The following SAXO1 variants were observed in gnomAD, a reference collection of about 807,000 sequenced individuals.
The protein encoded by SAXO1 is stabilizer of axonemal microtubules 1.
A neutral mutation model predicts 17.5 loss-of-function variants in SAXO1; 21 were observed. The observed-to-expected ratio is 1.20, with a 90% CI of 0.85 to 1.72. The LOEUF (loss-of-function observed/expected upper bound fraction) is 1.72, where lower values mean the gene tolerates loss of function less well. Among genes scored for constraint, SAXO1 ranks in the 40% most tolerant of loss-of-function variants. The pLI, the probability that SAXO1 is intolerant of heterozygous loss-of-function variation, is 0.00. For synonymous variants in SAXO1, 274 were observed against 216.5 expected, an observed-to-expected ratio of 1.27 and a Z score of -2.33; for missense variants, 843 against 596.0, an observed-to-expected ratio of 1.41 and a Z score of -4.32.
intron 1 of SAXO1, among the ~76,000 whole-genome samples, chr9:18,993,241 G>A (rs1428943830): frequency 6.6e-6 from 1 of 151,780 alleles, no homozygotes; most frequent in Non-Finnish European, 1.5e-5. Context: ...GCATGCATTA[G>A]GTATTTGTCC....
At chr9:19,041,079 C>A in intron 1 of SAXO1, among the ~76,000 whole-genome samples, 1 of 137,136 alleles carries the variant, frequency 7.3e-6, no homozygotes, top group African/African-American at 2.8e-5. Flanking sequence ...TAGAATTGAT[C>A]AACAAATACA....
intron 1 of SAXO1, among the ~76,000 whole-genome samples, chr9:19,007,393 A>G (rs1161965817): frequency 6.6e-6 from 1 of 152,204 alleles, no homozygotes; most frequent in Non-Finnish European, 1.5e-5. Flanking sequence ...ATTTTAAGTT[A>G]CATATTTTAT....
At chr9:18,972,392 C>T (rs769535974) in intron 1 of SAXO1, among the ~76,000 whole-genome samples, 2 of 152,164 alleles carry the variant, frequency 1.3e-5, no homozygotes, top group South Asian at 4.2e-4. Context: ...GAGACCTTTG[C>T]CTTTTGTTCA....
chr9:19,028,005 G>T (rs565302622), intron 1 of SAXO1: 7 of 1,602,032 alleles, frequency 4.4e-6, no homozygotes, highest in Admixed American at 3.3e-5. Context: ...CCCAGTGCAA[G>T]GCTGTGTCTG....
In SAXO1 at chr9:18,948,946, C is replaced by T. The variant is rs1370378639; in HGVS notation, c.218+1812G>A. Among the ~76,000 whole-genome samples, 3 of 152,338 alleles carry T rather than the reference C, an allele frequency of 2.0e-5. No homozygotes were observed. The East Asian group carries it at 5.8e-4, about 29-fold the overall frequency. ...GCAAGCCACCCCTCAGTACTACTCT[C>T]ACCCTTTCCTACCGATTACATGTCC... On this transcript the variant is annotated intron_variant, in intron 2 of 3. Coordinates refer to ENST00000380534, the MANE Select transcript of SAXO1 (RefSeq NM_153707.4).
chr9:18,968,039 G>A (rs115364496), intron 1 of SAXO1, among the ~76,000 whole-genome samples: 2,258 of 152,254 alleles, frequency 0.015, 57 homozygotes, highest in African/African-American at 0.05. Context: ...GTGAGGCGAC[G>A]CCCCACCCTG....
intron 3 of SAXO1, among the ~76,000 whole-genome samples, chr9:18,932,745 A>T (rs1420572708): frequency 6.6e-6 from 1 of 152,184 alleles, no homozygotes; most frequent in African/African-American, 2.4e-5. Flanking sequence ...CAAGACTTAC[A>T]CTTGCTTTTT....
At chr9:19,047,980 T>C (rs1019416120) in intron 1 of SAXO1, among the ~76,000 whole-genome samples, 7 of 152,198 alleles carry the variant, frequency 4.6e-5, no homozygotes, top group African/African-American at 1.7e-4. Flanking sequence ...GAGATGAAAC[T>C]GAATACATTG....
At chr9:18,972,089 T>A (rs7039445) in intron 1 of SAXO1, among the ~76,000 whole-genome samples, 1 of 152,096 alleles carries the variant, frequency 6.6e-6, no homozygotes, top group Non-Finnish European at 1.5e-5. Context: ...TCTGGAAGAA[T>A]GCAGAGGATT....
At chr9:18,931,204 T>C (rs1831033975) in intron 3 of SAXO1, among the ~76,000 whole-genome samples, 1 of 152,184 alleles carries the variant, frequency 6.6e-6, no homozygotes, top group Admixed American at 6.5e-5. Context: ...CAGGCAACCA[T>C]TAATTTGCTC....
intron 1 of SAXO1, among the ~76,000 whole-genome samples, chr9:19,000,764 C>CA (rs1360644908): frequency 2.6e-5 from 4 of 151,190 alleles, no homozygotes; most frequent in African/African-American, 4.9e-5. Context: ...AAATGGAAAG[C>CA]AAAAAAAAGC....
At chr9:19,040,733 A>G (rs540574662) in intron 1 of SAXO1, among the ~76,000 whole-genome samples, 17 of 152,206 alleles carry the variant, frequency 1.1e-4, no homozygotes, top group Non-Finnish European at 2.2e-4. Flanking sequence ...AAGTTTCTCA[A>G]GAAGGTAAAC....
chr9:19,003,564 G>A (rs1486843188), intron 1 of SAXO1, among the ~76,000 whole-genome samples: 1 of 152,188 alleles, frequency 6.6e-6, no homozygotes, highest in East Asian at 1.9e-4. Flanking sequence ...AAATGGAATA[G>A]AACAGAGGCC....
intron 1 of SAXO1, among the ~76,000 whole-genome samples, chr9:19,046,443 C>A (rs1173445744): frequency 6.6e-6 from 1 of 152,202 alleles, no homozygotes; most frequent in African/African-American, 2.4e-5. Context: ...CGCCTGTAAT[C>A]CCAGCACTTT....
In SAXO1 at chr9:18,938,447, C is replaced by A. The variant is rs554134260; in HGVS notation, c.421+3190G>T. The stretch of plus-strand genomic sequence containing the variant: ...TACACGGCAGGAGCAGGACAGAGAG[C>A]GCGAGTCGGGAGGTGGGGAGGTGCC... On this transcript the variant is annotated intron_variant, in intron 3 of 3. Coordinates refer to ENST00000380534, the MANE Select transcript of SAXO1 (RefSeq NM_153707.4). Among the ~76,000 whole-genome samples the A allele has an allele frequency of 6.6e-5, 10 of 152,046 alleles. No homozygotes were observed. The South Asian group carries it at 2.1e-3, about 32-fold the overall frequency.
chr9:18,929,131 G>T, intron 3 of SAXO1, 76 bp from the exon 4 acceptor site: 1 of 1,497,444 alleles, frequency 6.7e-7, no homozygotes, highest in South Asian at 1.3e-5. Context: ...GAGCCCCAAG[G>T]TCTTAAGGCA....
intron 1 of SAXO1, 116 bp downstream of exon 1, chr9:19,032,755 C>A (rs748864187): frequency 1.9e-5 from 21 of 1,113,368 alleles, no homozygotes; most frequent in Admixed American, 2.3e-5. Flanking sequence ...AAAAACGTAG[C>A]AAGTGGACGA....
intron 1 of SAXO1, among the ~76,000 whole-genome samples, chr9:19,030,077 G>T (rs146094271): frequency 6.6e-5 from 10 of 152,294 alleles, no homozygotes; most frequent in Non-Finnish European, 1.0e-4. Flanking sequence ...TTTCTTTGAT[G>T]GGGAGCCACA....
chr9:19,037,442 G>T (rs1203222922), upstream of SAXO1, among the ~76,000 whole-genome samples: 2 of 152,208 alleles, frequency 1.3e-5, no homozygotes, highest in African/African-American at 4.8e-5. Flanking sequence ...GAGGGACCCA[G>T]TGGGAGATAA....
Sources: gnomAD v4.1 joint callset for allele counts (sites outside exome capture counted in the v4.1 genomes callset) on GRCh38, gnomAD v4.1.1 for gene constraint, MANE v1.5 for transcripts, NCBI Gene and HGNC (gene_info 2026-07-23, HGNC 2026-07-21) for gene names.